The following AKT2 variants were observed in gnomAD, a reference collection of about 807,000 sequenced individuals.
AKT2 encodes the protein AKT serine/threonine kinase 2, also known as RAC-beta serine/threonine-protein kinase.
In AKT2, 16 loss-of-function variants were observed where a neutral mutation model predicts 58.6. That is an observed-to-expected ratio of 0.27 (90% confidence interval 0.18 to 0.41). The LOEUF (loss-of-function observed/expected upper bound fraction) is 0.41. Ranked by LOEUF, AKT2 falls within the 10% of genes least tolerant of loss-of-function variation. AKT2 has a pLI of 1.00. For synonymous variants in AKT2, 253 were observed against 254.0 expected, an observed-to-expected ratio of 1.00 and a Z score of 0.04; for missense variants, 438 against 661.0, an observed-to-expected ratio of 0.66 and a Z score of 3.70.
rs747501228 is a variant in AKT2, at chr19:40,233,581, G to C, written c.*291C>G. ...CAGGCGCCATGCTTCACCCCTCACT[G>C]GGGCTTGTGTGGATTAAAACCTGAA... On this transcript the variant is annotated 3_prime_UTR_variant, in exon 14 of 14. Coordinates refer to ENST00000392038, the MANE Select transcript of AKT2 (RefSeq NM_001626.6). The surrounding 1 kb of genome is among the most constrained non-coding windows in gnomAD (Gnocchi z 4.3). The C allele has an allele frequency of 2.7e-5, 19 of 701,964 alleles. No homozygotes were observed. The highest frequency in any genetic ancestry group is 4.5e-5 in the Non-Finnish European group (17 of 376,506). The allele number at this position is 701,964 out of a possible 1,614,324, so 43.5% of individuals were successfully genotyped here.
chr19:40,236,249 C>G lies in AKT2; in HGVS notation c.960+8G>C. On this transcript the variant is annotated splice_region_variant and intron_variant, in intron 10 of 13. Transcript: ENST00000392038. ...TCACACGTTCCTACCCCCACCAACCCCAGACACCTCAGGCGCCAGGTACTC... is the reference window on the plus strand; with the variant it reads ...TCACACGTTCCTACCCCCACCAACCGCAGACACCTCAGGCGCCAGGTACTC... 1 of 1,613,748 alleles carries G rather than the reference C, an allele frequency of 6.2e-7. No individual in the cohort carries two copies. The highest frequency in any genetic ancestry group is 8.5e-7 in the Non-Finnish European group (1 of 1,180,016).
At position 40,230,740 on chromosome 19, in the gene AKT2, GAC is replaced by G. The variant is rs1246880644; in HGVS notation, c.*3130_*3131del. On this transcript the variant is annotated 3_prime_UTR_variant, in exon 14 of 14. Coordinates refer to ENST00000392038, the MANE Select transcript of AKT2 (RefSeq NM_001626.6). ...TGTTTTTTTTTTTTTTATTTTTAGAGACACAGTCTCATTGTCCCAGGCTGCAG... is the reference window on the plus strand; with the variant it reads ...TGTTTTTTTTTTTTTTATTTTTAGAGACAGTCTCATTGTCCCAGGCTGCAG... The G allele has an allele frequency of 2.5e-5, 5 of 198,496 alleles. No individual in the cohort carries two copies. The East Asian group carries it at 3.8e-4, about 15-fold the overall frequency. The allele number at this position is 198,496 out of a possible 1,614,324, so 12.3% of individuals were successfully genotyped here.
intron 4 of AKT2, among the ~76,000 whole-genome samples, chr19:40,245,592 A>T (rs149068693): frequency 6.6e-6 from 1 of 152,306 alleles, no homozygotes; most frequent in East Asian, 1.9e-4. Context: ...ACTTGCTATC[A>T]TCAACTATCC....
chr19:40,257,300 A>T (rs1975607761), intron 2 of AKT2, among the ~76,000 whole-genome samples: 1 of 152,234 alleles, frequency 6.6e-6, no homozygotes, highest in South Asian at 2.1e-4. Flanking sequence ...TGCCAGCAGC[A>T]GTGCCCTGGG....
chr19:40,242,723 A>G lies in AKT2; in HGVS notation c.288-36T>C, dbSNP rs1382994438. On this transcript the variant is annotated intron_variant, in intron 4 of 13. Transcript: ENST00000392038. This position sits in a 1 kb window ranked among gnomAD's most constrained non-coding sequence, Gnocchi z 4.3. ...ACACACGTGAGTCCCAGCAGCCAGGAGTCCTGGGCCTCAGAGTCGAACAGC... is the reference window on the plus strand; with the variant it reads ...ACACACGTGAGTCCCAGCAGCCAGGGGTCCTGGGCCTCAGAGTCGAACAGC... The G allele has an allele frequency of 1.2e-6, 2 of 1,605,748 alleles. No homozygotes were observed. Among genetic ancestry groups the G allele is most frequent in the Non-Finnish European group, 1.7e-6 (2 of 1,179,484 alleles).
intron 1 of AKT2, 112 bp from the exon 2 acceptor site, chr19:40,265,463 G>A: frequency 7.0e-7 from 1 of 1,421,702 alleles, no homozygotes; most frequent in Non-Finnish European, 9.4e-7. Context: ...TCAGCAAAGG[G>A]TAAGGCCAGC....
chr19:40,280,013 A>T (rs925795281), intron 1 of AKT2, among the ~76,000 whole-genome samples: 2 of 152,124 alleles, frequency 1.3e-5, no homozygotes, highest in Non-Finnish European at 2.9e-5. Flanking sequence ...GTGGAGAAAC[A>T]TGCCCACACT....
rs1331158041 is a variant in AKT2, at chr19:40,231,571, C to G, written c.*2301G>C. ...ATGGGTGTGAAGTGCTAACACCTTGCGGCAAAATCTCAAATTCATCTGTGC... is the reference window on the plus strand; with the variant it reads ...ATGGGTGTGAAGTGCTAACACCTTGGGGCAAAATCTCAAATTCATCTGTGC... On this transcript the variant is annotated 3_prime_UTR_variant, in exon 14 of 14. Transcript: ENST00000392038. The G allele has an allele frequency of 4.3e-6, 1 of 233,174 alleles. No homozygotes were observed. The highest frequency in any genetic ancestry group is 2.2e-5 in the African/African-American group (1 of 45,346). 14.4% of individuals were successfully genotyped at this position (233,174 alleles called of 1,614,324 possible).
chr19:40,281,751 C>T (rs2077427760), intron 1 of AKT2, among the ~76,000 whole-genome samples: 1 of 152,226 alleles, frequency 6.6e-6, no homozygotes, highest in Non-Finnish European at 1.5e-5. Flanking sequence ...CTTCAAAGTC[C>T]CGGCAGAAAT....
chr19:40,236,662 T>G, intron 9 of AKT2: 1 of 499,742 alleles, frequency 2.0e-6, no homozygotes, highest in Non-Finnish European at 3.6e-6. Context: ...TGAACTGTGG[T>G]TCTTATTTCG....
At chr19:40,258,608 A>G (rs1975722019) in intron 2 of AKT2, among the ~76,000 whole-genome samples, 1 of 150,728 alleles carries the variant, frequency 6.6e-6, no homozygotes, top group Non-Finnish European at 1.5e-5. Context: ...TGAAGCTATG[A>G]TGGTGCCACT....
rs150347225 is a variant in AKT2, at chr19:40,233,817, A to G, written c.*55T>C. On this transcript the variant is annotated 3_prime_UTR_variant, in exon 14 of 14. Transcript: ENST00000392038. This position sits in a 1 kb window ranked among gnomAD's most constrained non-coding sequence, Gnocchi z 4.3. ...AGGCTAAGTAAAAAGTTAGGGGGAA[A>G]AAACCACCCAGCGGTGATGGCAGCG... 4.9e-4 allele frequency: 774 copies of G among 1,584,018 alleles called. 4 individuals carry two copies. The Middle Eastern group carries it at 0.01, about 21-fold the overall frequency.
chr19:40,246,194 G>A (rs989433902), intron 4 of AKT2, among the ~76,000 whole-genome samples: 3 of 151,520 alleles, frequency 2.0e-5, no homozygotes, highest in Non-Finnish European at 4.4e-5. Context: ...ACAGAGTCTC[G>A]CTTTGCTGCC....
Position 40,235,562 on chromosome 19 carries a change from G to T in AKT2, c.1176-212C>A, listed in dbSNP as rs1973972046. The T allele has an allele frequency of 6.2e-6, 4 of 645,476 alleles. No individual in the cohort carries two copies. The highest frequency in any genetic ancestry group is 1.1e-5 in the Non-Finnish European group (4 of 359,496). 40.0% of individuals were successfully genotyped at this position (645,476 alleles called of 1,614,324 possible). The stretch of plus-strand genomic sequence containing the variant: ...CAACCCGGACCCACGTGTCCTCACT[G>T]CCTGGCCTTACCCTGAGTCCAGAAA... On this transcript the variant is annotated intron_variant, in intron 11 of 13. Transcript: ENST00000392038. This position sits in a 1 kb window ranked among gnomAD's most constrained non-coding sequence, Gnocchi z 6.3.
chr19:40,234,054 C>T lies in AKT2; in HGVS notation c.1367-103G>A, dbSNP rs1180155294. 11 of 1,148,308 alleles carry T rather than the reference C, an allele frequency of 9.6e-6. No individual in the cohort carries two copies. The highest frequency in any genetic ancestry group is 1.4e-5 in the Non-Finnish European group (11 of 805,216). 71.1% of individuals were successfully genotyped at this position (1,148,308 alleles called of 1,614,324 possible). A position where few individuals can be genotyped will look rare whatever the true frequency, so the allele number is the denominator to read the frequency against. Reference sequence around the variant, plus strand: ...GGCCCCAGCTGGCGGGGGCTGCCCACAGGACAGGACAGGAAAGGCCCATCC... The same window carrying T: ...GGCCCCAGCTGGCGGGGGCTGCCCATAGGACAGGACAGGAAAGGCCCATCC... On this transcript the variant is annotated intron_variant, in intron 13 of 13. Coordinates refer to ENST00000392038, the MANE Select transcript of AKT2 (RefSeq NM_001626.6). The surrounding 1 kb of genome is among the most constrained non-coding windows in gnomAD (Gnocchi z 4.7).
intron 4 of AKT2, among the ~76,000 whole-genome samples, chr19:40,246,607 G>A (rs930447048): frequency 3.9e-5 from 6 of 152,180 alleles, no homozygotes; most frequent in South Asian, 2.1e-4. Context: ...AGACTGTCAC[G>A]TGAAGATGGC....
rs1973742425 is a variant in AKT2, at chr19:40,232,328, C to T, written c.*1544G>A. 8.6e-6 allele frequency: 2 copies of T among 233,852 alleles called. No homozygotes were observed. The highest frequency in any genetic ancestry group is 1.7e-5 in the Non-Finnish European group (2 of 118,164). The allele number at this position is 233,852 out of a possible 1,614,324, so 14.5% of individuals were successfully genotyped here. The stretch of plus-strand genomic sequence containing the variant: ...TGGGCTGGCGTGAGTGCAGGCTGGG[C>T]CCTGGTCTGAAATGAGTGTCTTTAT... On this transcript the variant is annotated 3_prime_UTR_variant, in exon 14 of 14. Transcript: ENST00000392038.
chr19:40,254,431 G>C (rs1486752972), intron 4 of AKT2, among the ~76,000 whole-genome samples: 5 of 152,048 alleles, frequency 3.3e-5, no homozygotes, highest in Admixed American at 3.3e-4. Context: ...GGGAGGCTGA[G>C]GCAGGAGAAT....
In AKT2 at chr19:40,266,607, C is replaced by T. The variant is rs371151692; in HGVS notation, c.-84-1256G>A. Among the ~76,000 whole-genome samples the T allele has an allele frequency of 2.0e-4, 30 of 152,278 alleles. No individual in the cohort carries two copies. In the South Asian group the frequency reaches 5.4e-3, roughly 27 times the overall value. ...CTTGCCAGCAACATGCCCGGCACCCCACAACCCAAGCACACAGGACTGCCA... is the reference window on the plus strand; with the variant it reads ...CTTGCCAGCAACATGCCCGGCACCCTACAACCCAAGCACACAGGACTGCCA... On this transcript the variant is annotated intron_variant, in intron 1 of 13. Coordinates refer to ENST00000392038, the MANE Select transcript of AKT2 (RefSeq NM_001626.6).
Sources: gnomAD v4.1 joint callset for allele counts (sites outside exome capture counted in the v4.1 genomes callset) on GRCh38, gnomAD v4.1.1 for gene constraint, Gnocchi (gnomAD v3.1) non-coding constraint, MANE v1.5 for transcripts, NCBI Gene and HGNC (gene_info 2026-07-23, HGNC 2026-07-21) for gene names.